The following PTPRD variants were observed in gnomAD, a reference collection of about 807,000 sequenced individuals.
PTPRD encodes receptor-type tyrosine-protein phosphatase delta.
A neutral mutation model predicts 214.5 loss-of-function variants in PTPRD; 34 were observed. The ratio of observed to expected loss-of-function variants is 0.16; its 90% confidence interval spans 0.12 to 0.21. PTPRD has a LOEUF of 0.21. Among genes scored for constraint, PTPRD ranks in the 10% least tolerant of loss-of-function variants. The probability of loss-of-function intolerance (pLI) is 1.00; values close to 1 mark genes in which losing one functional copy is unlikely to be tolerated. For missense variants in PTPRD, 2,545 were observed against 2,398.7 expected (o/e 1.06, Z -1.27); for synonymous variants, 1,128 against 845.7 (o/e 1.33, Z -5.79).
At chr9:10,168,541 C>G (rs920269980) in intron 3 of PTPRD, among the ~76,000 whole-genome samples, 1 of 152,198 alleles carries the variant, frequency 6.6e-6, no homozygotes, top group Non-Finnish European at 1.5e-5. Flanking sequence ...AGAAAATTCA[C>G]AAGAACAGCA....
chr9:10,413,871 T>G (rs941500751), intron 2 of PTPRD, among the ~76,000 whole-genome samples: 30 of 152,014 alleles, frequency 2.0e-4, no homozygotes, highest in African/African-American at 7.0e-4. Flanking sequence ...GACTCCCTAG[T>G]CAACATATAA....
At chr9:10,037,580 GAA>G (rs376794277) in intron 3 of PTPRD, among the ~76,000 whole-genome samples, 7,795 of 83,080 alleles carry the variant, frequency 0.094, 708 homozygotes, top group African/African-American at 0.25. Flanking sequence ...TATAGCAGTG[GAA>G]AAAAAAAAAA....
intron 7 of PTPRD, among the ~76,000 whole-genome samples, chr9:9,729,089 A>C (rs2098140882): frequency 6.6e-6 from 1 of 152,136 alleles, no homozygotes; most frequent in Admixed American, 6.6e-5. Flanking sequence ...AGAAATACCC[A>C]AACATAATAG....
chr9:8,323,380 A>T (rs1340498760), intron 44 of PTPRD, among the ~76,000 whole-genome samples: 1 of 152,222 alleles, frequency 6.6e-6, no homozygotes. Context: ...AAGGCTATAC[A>T]TTCTATAGAT....
chr9:9,394,920 G>A (rs2067210686), intron 9 of PTPRD, among the ~76,000 whole-genome samples: 1 of 152,048 alleles, frequency 6.6e-6, no homozygotes, highest in South Asian at 2.1e-4. Flanking sequence ...TGTTTGCATA[G>A]TCAGCTTTGG....
intron 39 of PTPRD, among the ~76,000 whole-genome samples, chr9:8,362,826 TAC>T (rs1375699062): frequency 6.6e-6 from 1 of 152,222 alleles, no homozygotes; most frequent in African/African-American, 2.4e-5. Context: ...CACAAGATCA[TAC>T]AGTTTTATCC....
At chr9:9,391,194 C>T (rs1464541138) in intron 9 of PTPRD, among the ~76,000 whole-genome samples, 1 of 151,870 alleles carries the variant, frequency 6.6e-6, no homozygotes, top group Non-Finnish European at 1.5e-5. Flanking sequence ...TAAAATAAGC[C>T]CCCAAATTGA....
intron 7 of PTPRD, among the ~76,000 whole-genome samples, chr9:9,594,641 T>C (rs1265680698): frequency 6.6e-6 from 1 of 152,146 alleles, no homozygotes; most frequent in Non-Finnish European, 1.5e-5. Context: ...GTGCCTATTT[T>C]AACAGTACCA....
intron 3 of PTPRD, among the ~76,000 whole-genome samples, chr9:10,229,214 G>A (rs1564657129): frequency 6.6e-6 from 1 of 152,030 alleles, no homozygotes; most frequent in Non-Finnish European, 1.5e-5. Flanking sequence ...AGGTGCTGGA[G>A]AGGATGTGGA....
intron 2 of PTPRD, among the ~76,000 whole-genome samples, chr9:10,351,207 ATTT>A (rs1050133994): frequency 6.6e-6 from 1 of 151,794 alleles, no homozygotes; most frequent in Non-Finnish European, 1.5e-5. Flanking sequence ...TCAGTTGTAA[ATTT>A]TTTTTTAATC....
At chr9:9,618,189 A>C (rs2095019767) in intron 7 of PTPRD, among the ~76,000 whole-genome samples, 1 of 151,216 alleles carries the variant, frequency 6.6e-6, no homozygotes. Flanking sequence ...GGAAAAGCTA[A>C]TGTCACATAT....
At chr9:8,592,304 T>C (rs1339173331) in intron 14 of PTPRD, among the ~76,000 whole-genome samples, 2 of 152,152 alleles carry the variant, frequency 1.3e-5, no homozygotes, top group Non-Finnish European at 2.9e-5. Flanking sequence ...GACTTGATCA[T>C]GTAAAATATC....
intron 5 of PTPRD, among the ~76,000 whole-genome samples, chr9:9,853,474 T>A (rs2060933238): frequency 6.6e-6 from 1 of 152,192 alleles, no homozygotes; most frequent in African/African-American, 2.4e-5. Context: ...AGCTCTACAG[T>A]GATTCGGTTC....
At chr9:10,009,882 C>G (rs377543719) in intron 4 of PTPRD, among the ~76,000 whole-genome samples, 4 of 151,888 alleles carry the variant, frequency 2.6e-5, no homozygotes, top group African/African-American at 9.7e-5. Context: ...TTCTGTCAGT[C>G]TTAAGACCTC....
chr9:10,398,336 G>T (rs1483838276), intron 2 of PTPRD, among the ~76,000 whole-genome samples: 2 of 151,784 alleles, frequency 1.3e-5, no homozygotes, highest in Non-Finnish European at 2.9e-5. Flanking sequence ...TACTATGATT[G>T]TGCCACTGCA....
At chr9:10,352,534 T>C (rs1481227252) in intron 2 of PTPRD, among the ~76,000 whole-genome samples, 1 of 152,076 alleles carries the variant, frequency 6.6e-6, no homozygotes, top group Non-Finnish European at 1.5e-5. Context: ...CACACAATTG[T>C]CTTACATGTA....
chr9:9,694,621 G>C (rs950243624), intron 7 of PTPRD, among the ~76,000 whole-genome samples: 2 of 152,110 alleles, frequency 1.3e-5, no homozygotes, highest in South Asian at 2.1e-4. Context: ...AAAAACCTTA[G>C]CAACTGATGT....
intron 3 of PTPRD, among the ~76,000 whole-genome samples, chr9:10,326,433 A>G (rs1357635367): frequency 6.6e-6 from 1 of 151,770 alleles, no homozygotes; most frequent in Non-Finnish European, 1.5e-5. Context: ...ATTTTGATAG[A>G]AAAATAATAG....
intron 39 of PTPRD, among the ~76,000 whole-genome samples, chr9:8,347,102 C>T (rs1286011294): frequency 1.3e-5 from 2 of 152,018 alleles, no homozygotes; most frequent in Non-Finnish European, 2.9e-5. Context: ...AGGGGGACTA[C>T]ACTAATAATG....
Sources: gnomAD v4.1 joint callset for allele counts (sites outside exome capture counted in the v4.1 genomes callset) on GRCh38, gnomAD v4.1.1 for gene constraint, MANE v1.5 for transcripts, NCBI Gene and HGNC (gene_info 2026-07-23, HGNC 2026-07-21) for gene names.